The following SYNCRIP variants were observed in gnomAD, a reference collection of about 807,000 sequenced individuals.
SYNCRIP encodes the protein synaptotagmin binding cytoplasmic RNA interacting protein.
A neutral mutation model predicts 68.9 loss-of-function variants in SYNCRIP; 9 were observed. The ratio of observed to expected loss-of-function variants is 0.13; its 90% CI spans 0.08 to 0.23. SYNCRIP has a LOEUF of 0.23. Ranked by LOEUF, SYNCRIP falls within the 10% of genes least tolerant of loss-of-function variation. The probability of loss-of-function intolerance (pLI) is 1.00; values close to 1 mark genes in which losing one functional copy is unlikely to be tolerated. For missense variants in SYNCRIP, 414 were observed against 770.6 expected, an observed-to-expected ratio of 0.54 and a Z score of 5.48; for synonymous variants, 258 against 254.0, an observed-to-expected ratio of 1.02 and a Z score of -0.15.
downstream of SYNCRIP, chr6:85,612,538 T>G (rs1805323468): frequency 5.6e-6 from 1 of 178,164 alleles, no homozygotes; most frequent in Non-Finnish European, 1.2e-5. Flanking sequence ...TTGGGATCCT[T>G]AATTTAAAAA....
intron 4 of SYNCRIP, among the ~76,000 whole-genome samples, chr6:85,639,280 C>G (rs1235027877): frequency 6.6e-6 from 1 of 152,112 alleles, no homozygotes; most frequent in Non-Finnish European, 1.5e-5. Context: ...CTAAAAGTCA[C>G]AAACTAAAAG....
intron 4 of SYNCRIP, among the ~76,000 whole-genome samples, chr6:85,637,675 T>C (rs535144633): frequency 1.3e-5 from 2 of 152,356 alleles, no homozygotes; most frequent in East Asian, 3.9e-4. Context: ...ACTATGTTAA[T>C]ACCATCTTAA....
intron 6 of SYNCRIP, among the ~76,000 whole-genome samples, chr6:85,628,043 C>T (rs1262574140): frequency 6.6e-6 from 1 of 151,826 alleles, no homozygotes; most frequent in East Asian, 1.9e-4. Context: ...CAAAGCCTTC[C>T]ACATTGAAGA....
At chr6:85,632,571 T>C (rs143620382) in intron 6 of SYNCRIP, among the ~76,000 whole-genome samples, 237 of 152,332 alleles carry the variant, frequency 1.6e-3, no homozygotes, top group African/African-American at 5.3e-3. Context: ...TACTTCACTT[T>C]CTCTAAAATC....
intron 3 of SYNCRIP, 32 bp from the exon 4 acceptor site, chr6:85,640,360 A>G (rs374976582): frequency 1.5e-4 from 234 of 1,600,646 alleles, no homozygotes; most frequent in Non-Finnish European, 1.9e-4. Flanking sequence ...ATATTTAACA[A>G]TAACCATATC....
At chr6:85,636,920 TA>T (rs765734012) in intron 6 of SYNCRIP, 46 bp downstream of exon 6, 1 of 1,532,674 alleles carries the variant, frequency 6.5e-7, no homozygotes, top group East Asian at 2.3e-5. Flanking sequence ...AACTTGATAT[TA>T]AAGACAGTGA....
rs1380005525 is a variant in SYNCRIP, at chr6:85,640,544, A to C, written c.169T>G (p.Leu57Val). The C allele has an allele frequency of 6.3e-7, 1 of 1,593,308 alleles. No individual in the cohort carries two copies. Among genetic ancestry groups the C allele is most frequent in the African/African-American group, 1.4e-5 (1 of 73,552 alleles). The change falls in exon 3 of 11, where the codon TTA becomes GTA. Residue 57 changes from leucine to valine, a missense_variant. By Grantham distance (32) the Leu-to-Val change is conservative. This residue lies in a region of SYNCRIP where 110 missense variants were observed against 269.3 expected (regional missense o/e 0.41). Coordinates refer to ENST00000369622, the MANE Select transcript of SYNCRIP (RefSeq NM_006372.5). ...YVAGLVAHSDLDERAIEALKE... is the reference protein window; with the variant it reads ...YVAGLVAHSDVDERAIEALKE... Reference sequence around the variant, plus strand: ...AAAGCTTCAATAGCTCTTTCATCTAAATCACTATGTGCAACTAGCCCTGAA... The same window carrying C: ...AAAGCTTCAATAGCTCTTTCATCTACATCACTATGTGCAACTAGCCCTGAA...
chr6:85,636,356 G>C (rs1050342907), intron 6 of SYNCRIP, among the ~76,000 whole-genome samples: 1 of 151,860 alleles, frequency 6.6e-6, no homozygotes, highest in Non-Finnish European at 1.5e-5. Flanking sequence ...TGAGGCAGGA[G>C]AATCACTTGA....
chr6:85,615,327 T>G lies in SYNCRIP; in HGVS notation c.1301A>C (p.Tyr434Ser). Residue 434 changes from tyrosine to serine, a missense_variant, in exon 11 of 11, where the codon TAT becomes TCT. By Grantham distance (144) the Tyr-to-Ser change is moderately radical (BLOSUM62 -2). Coordinates refer to ENST00000369622, the MANE Select transcript of SYNCRIP (RefSeq NM_006372.5). The stretch of plus-strand genomic sequence containing the variant: ...TGGAGGGGGCATATGAGGTGGACCA[T>G]AATAGTAGTAATCGTCATACCTATT... ...KNQMYDDYYY[Y>S]GPPHMPPPTR... is the part of the protein sequence containing the mutation. The G allele has an allele frequency of 5.9e-6, 9 of 1,526,122 alleles. No homozygotes were observed. Among genetic ancestry groups the G allele is most frequent in the Non-Finnish European group, 7.9e-6 (9 of 1,133,784 alleles). 94.5% of individuals were successfully genotyped at this position (1,526,122 alleles called of 1,614,324 possible).
At chr6:85,638,328 C>T (rs979497022) in intron 4 of SYNCRIP, among the ~76,000 whole-genome samples, 2 of 127,656 alleles carry the variant, frequency 1.6e-5, no homozygotes, top group Non-Finnish European at 3.1e-5. Flanking sequence ...TTGCAGTGAG[C>T]GGAGATCGCG....
chr6:85,639,511 C>A (rs1174475954), intron 4 of SYNCRIP, among the ~76,000 whole-genome samples: 1 of 152,216 alleles, frequency 6.6e-6, no homozygotes, highest in African/African-American at 2.4e-5. Context: ...TTCCACACCA[C>A]TACAACAATG....
At chr6:85,641,232 C>T in intron 2 of SYNCRIP, 60 bp downstream of exon 2, 1 of 1,487,754 alleles carries the variant, frequency 6.7e-7, no homozygotes, top group Admixed American at 1.8e-5. Flanking sequence ...TATTTTAGCT[C>T]AAAGCCAGAA....
chr6:85,642,375 G>C, intron 1 of SYNCRIP, among the ~76,000 whole-genome samples: 1 of 152,152 alleles, frequency 6.6e-6, no homozygotes. Context: ...CGCCTGCCCG[G>C]CAACCCAGCA....
downstream of SYNCRIP, chr6:85,610,673 A>G (rs1267427753): frequency 6.6e-6 from 1 of 152,014 alleles, no homozygotes; most frequent in African/African-American, 2.4e-5. Context: ...TATGACAGTA[A>G]AGTGCCAATA....
At chr6:85,638,498 A>T (rs1335323103) in intron 4 of SYNCRIP, among the ~76,000 whole-genome samples, 1 of 151,606 alleles carries the variant, frequency 6.6e-6, no homozygotes, top group Non-Finnish European at 1.5e-5. Context: ...GTGGTTTTCT[A>T]AACAAAACCA....
Position 85,615,093 on chromosome 6 carries a change from C to T in SYNCRIP, c.1535G>A (p.Arg512His), listed in dbSNP as rs748379470. 4 of 1,614,128 alleles carry T rather than the reference C, an allele frequency of 2.5e-6. No individual in the cohort carries two copies. The highest frequency in any genetic ancestry group is 2.2e-5 in the East Asian group (1 of 44,880). The change falls in exon 11 of 11, where the codon CGT becomes CAT. Residue 512 changes from arginine to histidine, a missense_variant. Arg to His is a conservative substitution (Grantham distance 29, BLOSUM62 0). Transcript: ENST00000369622. ...GARGAAPSRG[R>H]GAAPPRGRAG... ...TCTACCGCGGGGAGGAGCAGCCCCA[C>T]GACCTCTGGATGGAGCAGCACCCCT...
At chr6:85,637,943 G>C (rs771583310) in intron 4 of SYNCRIP, among the ~76,000 whole-genome samples, 1 of 152,120 alleles carries the variant, frequency 6.6e-6, no homozygotes, top group Non-Finnish European at 1.5e-5. Context: ...CAGCCAAAAC[G>C]ACTTTTAAAA....
At chr6:85,623,934 C>T (rs1806748815) in intron 7 of SYNCRIP, 43 bp downstream of exon 7, 1 of 1,600,582 alleles carries the variant, frequency 6.2e-7, no homozygotes, top group South Asian at 1.1e-5. Flanking sequence ...TATTAATCTT[C>T]ATTATTAAAA....
In SYNCRIP at chr6:85,622,572, T is replaced by C; in HGVS notation, c.918A>G (p.Leu306=). The C allele has an allele frequency of 1.2e-6, 2 of 1,614,202 alleles. No individual in the cohort carries two copies. The highest frequency in any genetic ancestry group is 1.7e-6 in the Non-Finnish European group (2 of 1,180,050). ...HKTAAQARRR[L]MSGKVKVWGN... is the part of the protein sequence containing the mutation. ...CCCAGACCTTGACTTTACCACTCAT[T>C]AACCTACGCCTTGCCTGGGCAGCTG... is the stretch of plus-strand genomic sequence containing the variant. Residue 306 remains leucine (L), a synonymous_variant, in exon 8 of 11, where the codon TTA becomes TTG. Transcript: ENST00000369622.
Sources: allele counts gnomAD v4.1 joint callset (sites outside exome capture counted in the v4.1 genomes callset), GRCh38; gene constraint gnomAD v4.1.1; regional missense constraint gnomAD v4.1.1; transcripts MANE v1.5; gene names NCBI Gene and HGNC (gene_info 2026-07-23, HGNC 2026-07-21).